ALDH1B1: variants seen among roughly 807,000 people sequenced by gnomAD.
The protein encoded by ALDH1B1 is aldehyde dehydrogenase family 1 member B1, mitochondrial.
Under a neutral mutation model 26.2 loss-of-function variants are expected in ALDH1B1, and 19 were observed. The observed-to-expected ratio is 0.72, with a 90% CI of 0.51 to 1.06. ALDH1B1 has a LOEUF of 1.06. Among genes scored for constraint, ALDH1B1 ranks in the 50% least tolerant of loss-of-function variants. The pLI is 0.00. For missense variants in ALDH1B1, 671 were observed against 683.1 expected (o/e 0.98, Z 0.20); for synonymous variants, 249 against 286.0 (o/e 0.87, Z 1.31).
At chr9:38,393,953 C>T (rs1337640282) in intron 1 of ALDH1B1, among the ~76,000 whole-genome samples, 1 of 152,040 alleles carries the variant, frequency 6.6e-6, no homozygotes, top group Non-Finnish European at 1.5e-5. Flanking sequence ...TAGCTCATTA[C>T]AGACACCCTT....
chr9:38,396,094 C>G lies in ALDH1B1; in HGVS notation c.346C>G (p.Arg116Gly). 1 of 1,614,156 alleles carries G rather than the reference C, an allele frequency of 6.2e-7. No homozygotes were observed. Among genetic ancestry groups the G allele is most frequent in the South Asian group, 1.1e-5 (1 of 91,078 alleles). ...CCTGGCAGACCTAGTGGAGCGGGAT[C>G]GAGTCTACTTGGCCTCACTCGAGAC... Reference protein sequence around the residue: ...NRLADLVERDRVYLASLETLD... With the variant: ...NRLADLVERDGVYLASLETLD... Residue 116 changes from arginine (R) to glycine (G), a missense_variant, in exon 2 of 2, where the codon CGA becomes GGA. Arg to Gly is a moderately radical substitution (Grantham distance 125). Coordinates refer to ENST00000377698, the MANE Select transcript of ALDH1B1 (RefSeq NM_000692.5).
chr9:38,397,001 T>C lies in ALDH1B1; in HGVS notation c.1253T>C (p.Phe418Ser), dbSNP rs780467701. The change falls in exon 2 of 2, where the codon TTT (phenylalanine) becomes TCT (serine). Residue 418 changes from phenylalanine to serine, a missense_variant. Phe to Ser is a radical substitution (Grantham distance 155). Coordinates refer to ENST00000377698, the MANE Select transcript of ALDH1B1 (RefSeq NM_000692.5). The stretch of plus-strand genomic sequence containing the variant: ...ATGAGAATTGCCAAAGAGGAGATCT[T>C]TGGGCCTGTGCAGCCCCTGTTCAAG... ...DDMRIAKEEIFGPVQPLFKFK... is the reference protein window; with the variant it reads ...DDMRIAKEEISGPVQPLFKFK... 25 of 1,614,060 alleles carry C rather than the reference T, an allele frequency of 1.5e-5. No individual in the cohort carries two copies. Among genetic ancestry groups the C allele is most frequent in the East Asian group, 1.3e-4 (6 of 44,888 alleles).
rs534891743 is a variant in ALDH1B1, at chr9:38,395,401, T to C, written c.-9-339T>C. 5.9e-5 allele frequency among the ~76,000 whole-genome samples: 9 copies of C among 152,130 alleles called. No homozygotes were observed. In the South Asian group the frequency reaches 6.2e-4, roughly 11 times the overall value. On this transcript the variant is annotated intron_variant, in intron 1 of 1. Transcript: ENST00000377698. ...ACATATAAGCCTGTAAAGATAGTAT[T>C]TGGGATGTGAGATAGAGAAGGAGTA... is the stretch of plus-strand genomic sequence containing the variant.
chr9:38,396,231 C>T lies in ALDH1B1; in HGVS notation c.483C>T (p.Ile161=), dbSNP rs753653089. 4.3e-6 allele frequency: 7 copies of T among 1,614,084 alleles called. No homozygotes were observed. Among genetic ancestry groups the T allele is most frequent in the East Asian group, 2.2e-5 (1 of 44,886 alleles). Residue 161 remains isoleucine, a synonymous_variant, in exon 2 of 2, where the codon ATC becomes ATT. Coordinates refer to ENST00000377698, the MANE Select transcript of ALDH1B1 (RefSeq NM_000692.5). ...CTGACAAGTGGCATGGCAAGACCAT[C>T]CCCATGGATGGCCAGCATTTCTGCT... ...GWADKWHGKT[I]PMDGQHFCFT...
chr9:38,397,416 C>G lies in ALDH1B1; in HGVS notation c.*114C>G. 1.5e-6 allele frequency: 2 copies of G among 1,360,816 alleles called. No individual in the cohort carries two copies. Among genetic ancestry groups the G allele is most frequent in the Non-Finnish European group, 2.0e-6 (2 of 1,018,756 alleles). The allele number at this position is 1,360,816 out of a possible 1,614,324, so 84.3% of individuals were successfully genotyped here. ...ACCCTTTCTTTGTTCCAAATTAACTCTTAGAAGAAACCCCACAAATAAAGC... is the reference window on the plus strand; with the variant it reads ...ACCCTTTCTTTGTTCCAAATTAACTGTTAGAAGAAACCCCACAAATAAAGC... On this transcript the variant is annotated 3_prime_UTR_variant, in exon 2 of 2. Coordinates refer to ENST00000377698, the MANE Select transcript of ALDH1B1 (RefSeq NM_000692.5).
At chr9:38,392,881 C>A in intron 1 of ALDH1B1, 74 bp downstream of exon 1, 1 of 986,116 alleles carries the variant, frequency 1.0e-6, no homozygotes, top group South Asian at 4.7e-5. Flanking sequence ...GCTTTCCTCT[C>A]TGGGCCGCGG....
intron 1 of ALDH1B1, among the ~76,000 whole-genome samples, chr9:38,393,182 T>TCCTTC (rs1194448464): frequency 1.3e-5 from 2 of 152,206 alleles, no homozygotes; most frequent in Non-Finnish European, 2.9e-5. Context: ...GAAGGTCCGG[T>TCCTTC]CCTTCCCGCT....
rs763029285 is a variant in ALDH1B1 at position 38,397,149 on chromosome 9, C to T, written c.1401C>T (p.Thr467=). 3.3e-5 allele frequency: 53 copies of T among 1,614,060 alleles called. 1 individual carries two copies. In the South Asian group the frequency reaches 4.7e-4, roughly 14 times the overall value. ...MYFTQALQAG[T]VWVNTYNIVT... ...TCACCCAGGCACTCCAGGCCGGGACCGTGTGGGTAAACACCTACAACATCG... is the reference window on the plus strand; with the variant it reads ...TCACCCAGGCACTCCAGGCCGGGACTGTGTGGGTAAACACCTACAACATCG... The change falls in exon 2 of 2, where the codon ACC becomes ACT. Residue 467 remains threonine (T), a synonymous_variant. Transcript: ENST00000377698.
chr9:38,398,367 T>A lies in ALDH1B1; in HGVS notation c.*1065T>A, dbSNP rs903019612. ...TCTCACTCTGTCGCCCAGGCTGGAGTGCAGTGGTGTGATCTCGTCTCACTG... is the reference window on the plus strand; with the variant it reads ...TCTCACTCTGTCGCCCAGGCTGGAGAGCAGTGGTGTGATCTCGTCTCACTG... On this transcript the variant is annotated 3_prime_UTR_variant, in exon 2 of 2. Transcript: ENST00000377698. 2.0e-5 allele frequency: 3 copies of A among 152,234 alleles called. No homozygotes were observed. The highest frequency in any genetic ancestry group is 5.1e-5 in the African/African-American group (2 of 39,498). 9.4% of individuals were successfully genotyped at this position (152,234 alleles called of 1,614,324 possible).
At chr9:38,394,683 G>A (rs1251245244) in intron 1 of ALDH1B1, 2 of 979,836 alleles carry the variant, frequency 2.0e-6, no homozygotes, top group East Asian at 1.1e-4. Context: ...GTGAGAGGCT[G>A]GGGGTGAAGG....
rs199549604 is a variant in ALDH1B1, at chr9:38,396,121, T to C, written c.373T>C (p.Leu125=). 2 of 1,614,172 alleles carry C rather than the reference T, an allele frequency of 1.2e-6. No homozygotes were observed. Among genetic ancestry groups the C allele is most frequent in the Non-Finnish European group, 8.5e-7 (1 of 1,180,016 alleles). The change falls in exon 2 of 2, where the codon TTG becomes CTG. Residue 125 remains leucine, a synonymous_variant. Coordinates refer to ENST00000377698, the MANE Select transcript of ALDH1B1 (RefSeq NM_000692.5). ...AGTCTACTTGGCCTCACTCGAGACC[T>C]TGGACAATGGGAAGCCTTTCCAAGA... ...DRVYLASLET[L]DNGKPFQESY...
Position 38,396,817 on chromosome 9 carries a change from C to T in ALDH1B1, c.1069C>T (p.Gln357Ter), listed in dbSNP as rs1168366777. The T allele has an allele frequency of 6.2e-7, 1 of 1,614,202 alleles. No homozygotes were observed. The highest frequency in any genetic ancestry group is 8.5e-7 in the Non-Finnish European group (1 of 1,180,040). ...KVGNPFELDT[Q>*]QGPQVDKEQF... Reference sequence around the variant, plus strand: ...GGGGAACCCCTTTGAGCTGGACACCCAGCAGGGGCCTCAGGTGGACAAGGA... The same window carrying T: ...GGGGAACCCCTTTGAGCTGGACACCTAGCAGGGGCCTCAGGTGGACAAGGA... The change falls in exon 2 of 2, where the codon CAG becomes TAG. Residue 357 changes from glutamine to a stop codon, truncating the protein, a stop_gained. Transcript: ENST00000377698. LOFTEE classifies it high-confidence loss of function.
intron 1 of ALDH1B1, chr9:38,394,466 T>A (rs960810764): frequency 2.2e-6 from 1 of 464,520 alleles, no homozygotes; most frequent in Non-Finnish European, 2.8e-6. Flanking sequence ...TTTATTTTTG[T>A]TTTTTTGTAG....
Position 38,397,384 on chromosome 9 carries a change from C to G in ALDH1B1, c.*82C>G. ...AATGCTTGCCAAGCTGTTTTAAAGCCAAGAACACCCTTTCTTTGTTCCAAA... is the reference window on the plus strand; with the variant it reads ...AATGCTTGCCAAGCTGTTTTAAAGCGAAGAACACCCTTTCTTTGTTCCAAA... On this transcript the variant is annotated 3_prime_UTR_variant, in exon 2 of 2. Transcript: ENST00000377698. 6.9e-7 allele frequency: 1 copy of G among 1,453,188 alleles called. No individual in the cohort carries two copies. The highest frequency in any genetic ancestry group is 9.1e-7 in the Non-Finnish European group (1 of 1,093,762). 90.0% of individuals were successfully genotyped at this position (1,453,188 alleles called of 1,614,324 possible).
At position 38,395,466 on chromosome 9, in the gene ALDH1B1, G is replaced by A. The variant is rs542168598; in HGVS notation, c.-9-274G>A. 2.0e-5 allele frequency among the ~76,000 whole-genome samples: 3 copies of A among 152,258 alleles called. No homozygotes were observed. In the South Asian group the frequency reaches 6.2e-4, roughly 32 times the overall value. Reference sequence around the variant, plus strand: ...GGATAGAGAGTGTTGGGGTGGGAAGGGTTGCAATTTTTTAAAGGGTGGTCA... The same window carrying A: ...GGATAGAGAGTGTTGGGGTGGGAAGAGTTGCAATTTTTTAAAGGGTGGTCA... On this transcript the variant is annotated intron_variant, in intron 1 of 1. Transcript: ENST00000377698.
Position 38,397,380 on chromosome 9 carries a change from A to G in ALDH1B1, c.*78A>G. ...GACGAATGCTTGCCAAGCTGTTTTA[A>G]AGCCAAGAACACCCTTTCTTTGTTC... On this transcript the variant is annotated 3_prime_UTR_variant, in exon 2 of 2. Coordinates refer to ENST00000377698, the MANE Select transcript of ALDH1B1 (RefSeq NM_000692.5). 1 of 1,476,008 alleles carries G rather than the reference A, an allele frequency of 6.8e-7. No individual in the cohort carries two copies. The highest frequency in any genetic ancestry group is 9.0e-7 in the Non-Finnish European group (1 of 1,109,736). 91.4% of individuals were successfully genotyped at this position (1,476,008 alleles called of 1,614,324 possible).
Position 38,396,731 on chromosome 9 carries a change from A to T in ALDH1B1, c.983A>T (p.Glu328Val). 2 of 1,614,204 alleles carry T rather than the reference A, an allele frequency of 1.2e-6. No individual in the cohort carries two copies. The highest frequency in any genetic ancestry group is 1.7e-6 in the Non-Finnish European group (2 of 1,180,042). ...TGTGCTGGCTCCCGGACCTTCGTGG[A>T]AGAATCCATCTACAATGAGTTTCTC... is the stretch of plus-strand genomic sequence containing the variant. ...CCCAGSRTFV[E>V]ESIYNEFLER... The change falls in exon 2 of 2, where the codon GAA (glutamate) becomes GTA (valine). Residue 328 changes from glutamate to valine, a missense_variant. Physicochemically the swap from Glu to Val is moderately radical, Grantham distance 121. Coordinates refer to ENST00000377698, the MANE Select transcript of ALDH1B1 (RefSeq NM_000692.5).
chr9:38,398,172 TAGTG>T lies in ALDH1B1; in HGVS notation c.*871_*874del, dbSNP rs1281685170. ...TGCCAGGGGATAGAGGAGTAATTGT[TAGTG>T]GGCATGGGATTTGTTTTTGGGAGGT... is the stretch of plus-strand genomic sequence containing the variant. On this transcript the variant is annotated 3_prime_UTR_variant, in exon 2 of 2. Coordinates refer to ENST00000377698, the MANE Select transcript of ALDH1B1 (RefSeq NM_000692.5). The T allele has an allele frequency of 3.6e-5, 6 of 167,124 alleles. No homozygotes were observed. The highest frequency in any genetic ancestry group is 1.4e-4 in the African/African-American group (6 of 41,458). 10.4% of individuals were successfully genotyped at this position (167,124 alleles called of 1,614,324 possible). A position where few individuals can be genotyped will look rare whatever the true frequency, so the allele number is the denominator to read the frequency against.
Position 38,396,660 on chromosome 9 carries a change from G to A in ALDH1B1, c.912G>A (p.Val304=). The A allele has an allele frequency of 1.9e-6, 3 of 1,614,186 alleles. No homozygotes were observed. The highest frequency in any genetic ancestry group is 2.5e-6 in the Non-Finnish European group (3 of 1,180,038). ...VLADADMEHA[V]EQCHEALFFN... is the part of the protein sequence containing the mutation. The stretch of plus-strand genomic sequence containing the variant: ...CCGATGCTGACATGGAGCATGCCGT[G>A]GAGCAGTGCCACGAAGCCCTGTTCT... Residue 304 remains valine, a synonymous_variant, in exon 2 of 2, where the codon GTG becomes GTA. Coordinates refer to ENST00000377698, the MANE Select transcript of ALDH1B1 (RefSeq NM_000692.5).
Sources: gnomAD v4.1 joint callset for allele counts (sites outside exome capture counted in the v4.1 genomes callset) on GRCh38, gnomAD v4.1.1 for gene constraint, MANE v1.5 for transcripts, NCBI Gene and HGNC (gene_info 2026-07-23, HGNC 2026-07-21) for gene names.